The following DLGAP1 variants were observed in gnomAD, a reference collection of about 807,000 sequenced individuals.
The protein encoded by DLGAP1 is disks large-associated protein 1.
Under a neutral mutation model 90.8 loss-of-function variants are expected in DLGAP1, and 11 were observed. That is an observed-to-expected ratio of 0.12 (90% confidence interval 0.08 to 0.20). The LOEUF (loss-of-function observed/expected upper bound fraction) is 0.20. Among genes scored for constraint, DLGAP1 ranks in the 10% least tolerant of loss-of-function variants. The probability of loss-of-function intolerance (pLI) is 1.00; values close to 1 mark genes in which losing one functional copy is unlikely to be tolerated. For missense variants in DLGAP1, 1,050 were observed against 1,333.8 expected (o/e 0.79, Z 3.31); for synonymous variants, 558 against 540.7 (o/e 1.03, Z -0.44).
intron 1 of DLGAP1, among the ~76,000 whole-genome samples, chr18:4,296,140 A>G (rs1415221301): frequency 6.6e-6 from 1 of 152,220 alleles, no homozygotes; most frequent in Non-Finnish European, 1.5e-5. Context: ...ATCTAGCCAC[A>G]CATTATGGCC....
chr18:3,677,121 GT>G (rs1878795302), intron 7 of DLGAP1, among the ~76,000 whole-genome samples: 1 of 152,144 alleles, frequency 6.6e-6, no homozygotes, highest in Admixed American at 6.5e-5. Context: ...CAACATTCAT[GT>G]TTATGGTCTC....
chr18:3,571,241 G>A (rs2054765466), intron 8 of DLGAP1: 1 of 151,704 alleles, frequency 6.6e-6, no homozygotes, highest in Non-Finnish European at 1.5e-5. Context: ...ATGTTGCCCA[G>A]GCTACAGTAC....
intron 2 of DLGAP1, among the ~76,000 whole-genome samples, chr18:4,038,975 C>T (rs2074932482): frequency 6.6e-6 from 1 of 152,044 alleles, no homozygotes; most frequent in Non-Finnish European, 1.5e-5. Flanking sequence ...GGTTGCATTC[C>T]ATCCCCTTCC....
intron 10 of DLGAP1, among the ~76,000 whole-genome samples, chr18:3,515,295 C>T (rs551939155): frequency 6.7e-6 from 1 of 149,626 alleles, no homozygotes; most frequent in East Asian, 2.0e-4. Context: ...ACGGTGAAAC[C>T]CCGTCTCTGC....
intron 1 of DLGAP1, among the ~76,000 whole-genome samples, chr18:4,261,044 G>A (rs1194961414): frequency 6.6e-6 from 1 of 152,208 alleles, no homozygotes; most frequent in African/African-American, 2.4e-5. Flanking sequence ...ATCTTTTCAT[G>A]CCCTGATTCT....
chr18:4,236,017 T>C (rs932563869), intron 1 of DLGAP1, among the ~76,000 whole-genome samples: 2 of 152,104 alleles, frequency 1.3e-5, no homozygotes, highest in Admixed American at 6.6e-5. Flanking sequence ...TGAGCCACCA[T>C]GCCTGGCCTC....
At chr18:4,268,121 C>G (rs556704267) in intron 1 of DLGAP1, among the ~76,000 whole-genome samples, 1 of 152,302 alleles carries the variant, frequency 6.6e-6, no homozygotes, top group Admixed American at 6.5e-5. Context: ...CCTCAGGTGG[C>G]AGCCTATTCC....
At chr18:3,897,053 A>C (rs926708229) in intron 3 of DLGAP1, 2 of 152,266 alleles carry the variant, frequency 1.3e-5, no homozygotes, top group Non-Finnish European at 2.9e-5. Context: ...GAAGAATAAA[A>C]AAAGTTTTCC....
chr18:4,333,291 G>A (rs1453294553), intron 1 of DLGAP1, among the ~76,000 whole-genome samples: 2 of 151,876 alleles, frequency 1.3e-5, no homozygotes, highest in Non-Finnish European at 2.9e-5. Flanking sequence ...TGATGACTGG[G>A]TCACACTGTG....
chr18:4,407,028 T>C (rs962937372), intron 1 of DLGAP1, among the ~76,000 whole-genome samples: 4 of 152,244 alleles, frequency 2.6e-5, no homozygotes, highest in Admixed American at 2.6e-4. Context: ...TCCTGTCACA[T>C]TAAGTTAGAT....
In DLGAP1 at chr18:4,399,462, G is replaced by A. The variant is rs548900910; in HGVS notation, c.-267+55544C>T. 5.3e-5 allele frequency among the ~76,000 whole-genome samples: 8 copies of A among 152,286 alleles called. No homozygotes were observed. The South Asian group carries it at 1.0e-3, about 20-fold the overall frequency. The stretch of plus-strand genomic sequence containing the variant: ...CATCTTACAGGTGATGAAACTGAGC[G>A]TCAGAACGCTTATCTGTCCAAAATT... On this transcript the variant is annotated intron_variant, in intron 1 of 12. Transcript: ENST00000315677.
chr18:3,567,070 A>AT (rs1555682270), intron 9 of DLGAP1, among the ~76,000 whole-genome samples: 23 of 151,032 alleles, frequency 1.5e-4, no homozygotes, highest in African/African-American at 5.1e-4. Flanking sequence ...TCATTCATTC[A>AT]TCATTCATTC....
chr18:3,534,134 G>A, intron 10 of DLGAP1, 60 bp downstream of exon 10: 1 of 1,548,158 alleles, frequency 6.5e-7, no homozygotes, highest in East Asian at 2.2e-5. Context: ...AACAAGGTCT[G>A]CACACACAAA....
At chr18:4,147,954 T>C (rs1188652416) in intron 2 of DLGAP1, among the ~76,000 whole-genome samples, 1 of 152,200 alleles carries the variant, frequency 6.6e-6, no homozygotes. Context: ...GTTAGAAATG[T>C]GCATTCTTGG....
intron 3 of DLGAP1, among the ~76,000 whole-genome samples, chr18:3,882,370 T>TAA (rs112410105): frequency 2.8e-5 from 4 of 143,454 alleles, no homozygotes; most frequent in African/African-American, 7.6e-5. Flanking sequence ...ACCCAGTCTT[T>TAA]AAAAAAAAAA....
At chr18:4,368,142 A>T (rs954373109) in intron 1 of DLGAP1, among the ~76,000 whole-genome samples, 18 of 152,206 alleles carry the variant, frequency 1.2e-4, no homozygotes, top group Admixed American at 4.6e-4. Context: ...AGGATAGTCA[A>T]TCAGAGGCAG....
intron 1 of DLGAP1, among the ~76,000 whole-genome samples, chr18:4,301,088 T>C (rs570431511): frequency 6.6e-6 from 1 of 152,204 alleles, no homozygotes; most frequent in Non-Finnish European, 1.5e-5. Context: ...ATCAGACCAA[T>C]TAACATATCT....
intron 1 of DLGAP1, among the ~76,000 whole-genome samples, chr18:4,302,619 T>C (rs1371306495): frequency 6.6e-6 from 1 of 152,136 alleles, no homozygotes; most frequent in African/African-American, 2.4e-5. Context: ...TTTAAATTAG[T>C]ATTTGTAGTA....
chr18:3,549,795 A>G (rs1047007690), intron 9 of DLGAP1, among the ~76,000 whole-genome samples: 2 of 152,248 alleles, frequency 1.3e-5, no homozygotes, highest in African/African-American at 4.8e-5. Flanking sequence ...AATATGTGTT[A>G]CAGGCCAAAT....
Sources: allele counts gnomAD v4.1 joint callset (sites outside exome capture counted in the v4.1 genomes callset), GRCh38; gene constraint gnomAD v4.1.1; transcripts MANE v1.5; gene names NCBI Gene and HGNC (gene_info 2026-07-23, HGNC 2026-07-21).